PXN: variants seen among roughly 807,000 people sequenced by gnomAD.
PXN encodes paxillin.
Under a neutral mutation model 103.6 loss-of-function variants are expected in PXN, and 61 were observed. That is an observed-to-expected ratio of 0.59 (90% CI 0.48 to 0.73). The LOEUF is 0.73. Ranked by LOEUF, PXN falls within the 30% of genes least tolerant of loss-of-function variation. PXN has a pLI of 0.00. For missense variants in PXN, 1,274 were observed against 1,460.3 expected (o/e 0.87, Z 2.08); for synonymous variants, 562 against 607.8 (o/e 0.92, Z 1.11).
chr12:120,214,802 G>C lies in PXN; in HGVS notation c.2748+23C>G. On this transcript the variant is annotated intron_variant, in intron 12 of 14. Coordinates refer to ENST00000637617, the MANE Select transcript of PXN (RefSeq NM_001385981.1). This position sits in a 1 kb window ranked among gnomAD's most constrained non-coding sequence, Gnocchi z 5.0. Reference sequence around the variant, plus strand: ...GAAGCTGGAATGAGCGGAAGCGGGCGCGGTGCCGGATGAGGAACTCACATC... The same window carrying C: ...GAAGCTGGAATGAGCGGAAGCGGGCCCGGTGCCGGATGAGGAACTCACATC... 6.2e-7 allele frequency: 1 copy of C among 1,612,824 alleles called. No homozygotes were observed. The highest frequency in any genetic ancestry group is 8.5e-7 in the Non-Finnish European group (1 of 1,178,986).
intron 1 of PXN, among the ~76,000 whole-genome samples, chr12:120,240,614 A>T (rs1029004108): frequency 6.6e-6 from 1 of 152,130 alleles, no homozygotes; most frequent in South Asian, 2.1e-4. Context: ...GTGGTGTGGG[A>T]AGCTCAGTGC....
rs1406564083 is a variant in PXN, at chr12:120,222,143, C to T, written c.696-385G>A. Among the ~76,000 whole-genome samples the T allele has an allele frequency of 6.6e-6, 1 of 152,178 alleles. No homozygotes were observed. Among genetic ancestry groups the T allele is most frequent in the Non-Finnish European group, 1.5e-5 (1 of 68,028 alleles). On this transcript the variant is annotated intron_variant, in intron 5 of 14. Coordinates refer to ENST00000637617, the MANE Select transcript of PXN (RefSeq NM_001385981.1). The surrounding 1 kb of genome is among the most constrained non-coding windows in gnomAD (Gnocchi z 4.7). Reference sequence around the variant, plus strand: ...ACTACACACCAGAAACCATTCCAAGCGCTTTACATGGATTACTGGTTCTCA... The same window carrying T: ...ACTACACACCAGAAACCATTCCAAGTGCTTTACATGGATTACTGGTTCTCA...
At chr12:120,231,417 A>G (rs1272021288) in intron 1 of PXN, among the ~76,000 whole-genome samples, 1 of 152,220 alleles carries the variant, frequency 6.6e-6, no homozygotes, top group Non-Finnish European at 1.5e-5. Context: ...ACAAAGACTC[A>G]GCCACCAATT....
Position 120,216,275 on chromosome 12 carries a change from G to A in PXN, c.2299C>T (p.Gln767Ter). The A allele has an allele frequency of 7.8e-7, 1 of 1,279,022 alleles. No homozygotes were observed. Among genetic ancestry groups the A allele is most frequent in the Non-Finnish European group, 9.8e-7 (1 of 1,017,270 alleles). 79.2% of individuals were successfully genotyped at this position (1,279,022 alleles called of 1,614,324 possible). A position where few individuals can be genotyped will look rare whatever the true frequency, so the allele number is the denominator to read the frequency against. Reference protein sequence around the residue: ...TDEDPLFPPMQIQGLEQRADG... With the variant: ...TDEDPLFPPM The stretch of plus-strand genomic sequence containing the variant: ...GGAGGGGCTCCTTTAAGGCCTGCCT[G>A]CATCGGGGGGAAGAGCGGGTCCTCA... The change falls in exon 9 of 15, where the codon CAG (glutamine) becomes TAG (stop). Residue 767 changes from glutamine (Q) to a stop codon, truncating the protein, a stop_gained and splice_region_variant. Coordinates refer to ENST00000637617, the MANE Select transcript of PXN (RefSeq NM_001385981.1). LOFTEE classifies it high-confidence loss of function. The surrounding 1 kb of genome is among the most constrained non-coding windows in gnomAD (Gnocchi z 5.1).
At chr12:120,223,056 T>C in intron 3 of PXN, 57 bp from the exon 4 acceptor site, 2 of 1,611,854 alleles carry the variant, frequency 1.2e-6, no homozygotes, top group South Asian at 2.2e-5. Flanking sequence ...TTGTACTGGC[T>C]TGGCAGTTCC....
intron 1 of PXN, among the ~76,000 whole-genome samples, chr12:120,240,391 G>A (rs936410557): frequency 1.8e-4 from 28 of 152,148 alleles, no homozygotes; most frequent in African/African-American, 6.3e-4. Flanking sequence ...GCTCTGACAG[G>A]TGTCAGTTAG....
rs1451076516 is a variant in PXN at position 120,212,702 on chromosome 12, C to T, written c.2980-122G>A. ...GTGACTCCTACTTGCTAGGCGTTTC[C>T]CATGTGCCGTGTTGTCCTAAACGCT... On this transcript the variant is annotated intron_variant, in intron 14 of 14. Coordinates refer to ENST00000637617, the MANE Select transcript of PXN (RefSeq NM_001385981.1). The surrounding 1 kb of genome is among the most constrained non-coding windows in gnomAD (Gnocchi z 7.2). 1 of 1,208,450 alleles carries T rather than the reference C, an allele frequency of 8.3e-7. No homozygotes were observed. The highest frequency in any genetic ancestry group is 1.5e-5 in the African/African-American group (1 of 65,910). The allele number at this position is 1,208,450 out of a possible 1,614,324, so 74.9% of individuals were successfully genotyped here. A position where few individuals can be genotyped will look rare whatever the true frequency, so the allele number is the denominator to read the frequency against.
Position 120,221,900 on chromosome 12 carries a change from G to C in PXN, c.696-142C>G, listed in dbSNP as rs750278579. The stretch of plus-strand genomic sequence containing the variant: ...TCCACCAGCTCCCTGTCTCTCCTGG[G>C]GACCCATCACTGGGTCAGAAGAAAG... On this transcript the variant is annotated intron_variant, in intron 5 of 14. Transcript: ENST00000637617. This position sits in a 1 kb window ranked among gnomAD's most constrained non-coding sequence, Gnocchi z 6.6. 18 of 1,296,610 alleles carry C rather than the reference G, an allele frequency of 1.4e-5. No homozygotes were observed. Among genetic ancestry groups the C allele is most frequent in the Non-Finnish European group, 1.7e-5 (17 of 971,800 alleles). 80.3% of individuals were successfully genotyped at this position (1,296,610 alleles called of 1,614,324 possible). A position where few individuals can be genotyped will look rare whatever the true frequency, so the allele number is the denominator to read the frequency against.
At chr12:120,262,811 C>T (rs1894079408) in intron 1 of PXN, among the ~76,000 whole-genome samples, 1 of 152,120 alleles carries the variant, frequency 6.6e-6, no homozygotes, top group Non-Finnish European at 1.5e-5. Flanking sequence ...AACTCTGGGC[C>T]AAACCAGCAT....
chr12:120,217,041 G>A lies in PXN; in HGVS notation c.1792C>T (p.Arg598Trp), dbSNP rs763909756. The change falls in exon 8 of 15, where the codon CGG (arginine) becomes TGG (tryptophan). Residue 598 changes from arginine (R) to tryptophan (W), a missense_variant. By Grantham distance (101) the Arg-to-Trp change is moderately radical. Coordinates refer to ENST00000637617, the MANE Select transcript of PXN (RefSeq NM_001385981.1). This position sits in a 1 kb window ranked among gnomAD's most constrained non-coding sequence, Gnocchi z 4.1. Reference sequence around the variant, plus strand: ...CTGCTCAAGGTGGCAGGGTCCAGCCGGCGGCGAGGGGAGGGCTCCCGGGAC... The same window carrying A: ...CTGCTCAAGGTGGCAGGGTCCAGCCAGCGGCGAGGGGAGGGCTCCCGGGAC... ...PMSREPSPRR[R>W]LDPATLSRTP... 32 of 1,588,926 alleles carry A rather than the reference G, an allele frequency of 2.0e-5. No homozygotes were observed. The highest frequency in any genetic ancestry group is 1.7e-4 in the Middle Eastern group (1 of 6,048).
chr12:120,249,202 A>C (rs551822629), intron 1 of PXN, among the ~76,000 whole-genome samples: 3 of 152,292 alleles, frequency 2.0e-5, no homozygotes, highest in African/African-American at 7.2e-5. Flanking sequence ...TTGTGGTCTT[A>C]GATGGAAGCT....
At chr12:120,262,902 G>T (rs142036109) in intron 1 of PXN, among the ~76,000 whole-genome samples, 4 of 152,272 alleles carry the variant, frequency 2.6e-5, no homozygotes, top group East Asian at 1.9e-4. Flanking sequence ...GGCAGAACAC[G>T]CTGTGTTGAT....
At chr12:120,230,421 G>C (rs984022369) in intron 1 of PXN, among the ~76,000 whole-genome samples, 4 of 152,210 alleles carry the variant, frequency 2.6e-5, no homozygotes, top group Non-Finnish European at 4.4e-5. Flanking sequence ...CACCTGGGCA[G>C]CCTTGGTAGC....
At chr12:120,255,337 A>G (rs901943824) in intron 1 of PXN, among the ~76,000 whole-genome samples, 1 of 152,204 alleles carries the variant, frequency 6.6e-6, no homozygotes, top group South Asian at 2.1e-4. Flanking sequence ...ATATGCAGCT[A>G]AAGGGTGAGA....
intron 3 of PXN, among the ~76,000 whole-genome samples, chr12:120,223,332 GC>G (rs1372073383): frequency 6.6e-6 from 1 of 152,114 alleles, no homozygotes; most frequent in Non-Finnish European, 1.5e-5. Flanking sequence ...TACTTGGGAG[GC>G]TGAGGCAGGA....
rs1421700775 is a variant in PXN, at chr12:120,217,878, G to A, written c.1717-762C>T. On this transcript the variant is annotated intron_variant, in intron 7 of 14. Transcript: ENST00000637617. This position sits in a 1 kb window ranked among gnomAD's most constrained non-coding sequence, Gnocchi z 4.1. The stretch of plus-strand genomic sequence containing the variant: ...CTCCCAAAGTGCTGGGAATACAGGT[G>A]TGAGCCACCGTGCTCAGCTAGCCAG... 6.6e-6 allele frequency among the ~76,000 whole-genome samples: 1 copy of A among 150,998 alleles called. No homozygotes were observed. Among genetic ancestry groups the A allele is most frequent in the African/African-American group, 2.4e-5 (1 of 41,078 alleles).
chr12:120,248,248 G>A (rs987908521), intron 1 of PXN, among the ~76,000 whole-genome samples: 4 of 152,066 alleles, frequency 2.6e-5, no homozygotes, highest in African/African-American at 4.8e-5. Context: ...CGGTAGAAGA[G>A]GGGGCTGGAG....
At chr12:120,239,450 C>T (rs746565138) in intron 1 of PXN, among the ~76,000 whole-genome samples, 23 of 152,240 alleles carry the variant, frequency 1.5e-4, no homozygotes, top group East Asian at 1.2e-3. Context: ...GGCATGGTGG[C>T]GCATGCCTGT....
intron 1 of PXN, chr12:120,226,580 T>A: frequency 3.3e-6 from 4 of 1,196,942 alleles, no homozygotes; most frequent in Non-Finnish European, 4.2e-6. Context: ...ACAATGTGAT[T>A]CTAAGCCTGG....
Sources: allele counts gnomAD v4.1 joint callset (sites outside exome capture counted in the v4.1 genomes callset), GRCh38; gene constraint gnomAD v4.1.1; non-coding constraint Gnocchi (gnomAD v3.1); transcripts MANE v1.5; gene names NCBI Gene and HGNC (gene_info 2026-07-23, HGNC 2026-07-21).